RIMBP2: variants seen among roughly 807,000 people sequenced by gnomAD.
RIMBP2 encodes RIMS-binding protein 2.
In RIMBP2, 48 loss-of-function variants were observed where a neutral mutation model predicts 118.6. That is an observed-to-expected ratio of 0.40 (90% CI 0.32 to 0.51). RIMBP2 has a LOEUF of 0.51. Ranked by LOEUF, RIMBP2 falls within the 20% of genes least tolerant of loss-of-function variation. The pLI, the probability that RIMBP2 is intolerant of heterozygous loss-of-function variation, is 0.41. For synonymous variants in RIMBP2, 762 were observed against 742.9 expected (o/e 1.03, Z -0.42); for missense variants, 1,551 against 1,768.3 (o/e 0.88, Z 2.20).
chr12:130,417,040 G>T (rs922320041), intron 17 of RIMBP2, among the ~76,000 whole-genome samples: 1 of 152,112 alleles, frequency 6.6e-6, no homozygotes. Context: ...ATCACAATGA[G>T]ATACCATCTC....
intron 17 of RIMBP2, among the ~76,000 whole-genome samples, chr12:130,418,922 G>A (rs954216066): frequency 6.6e-5 from 10 of 152,172 alleles, no homozygotes; most frequent in East Asian, 3.9e-4. Context: ...GTCCCCCAAC[G>A]AAGGCTCCTT....
At chr12:130,567,969 C>T (rs1369496140) in intron 2 of RIMBP2, among the ~76,000 whole-genome samples, 3 of 152,176 alleles carry the variant, frequency 2.0e-5, no homozygotes, top group East Asian at 1.9e-4. Context: ...AGCCATCCCA[C>T]GAACATCACC....
intron 9 of RIMBP2, among the ~76,000 whole-genome samples, chr12:130,448,727 G>A (rs745545105): frequency 6.6e-6 from 1 of 152,250 alleles, no homozygotes; most frequent in East Asian, 1.9e-4. Flanking sequence ...AGCGGATGGT[G>A]GGCCTGCCCC....
intron 5 of RIMBP2, among the ~76,000 whole-genome samples, chr12:130,473,758 T>G (rs540532119): frequency 1.3e-5 from 2 of 152,290 alleles, no homozygotes; most frequent in South Asian, 4.1e-4. Flanking sequence ...GGGCAGACAC[T>G]GCCTGAAACT....
At chr12:130,417,349 C>G (rs2076162625) in intron 17 of RIMBP2, among the ~76,000 whole-genome samples, 1 of 152,198 alleles carries the variant, frequency 6.6e-6, no homozygotes, top group Non-Finnish European at 1.5e-5. Context: ...AGATGCTCAT[C>G]AACAGTGGAT....
intron 2 of RIMBP2, among the ~76,000 whole-genome samples, chr12:130,580,431 TAAG>T (rs1444496307): frequency 6.6e-6 from 1 of 152,164 alleles, no homozygotes; most frequent in Non-Finnish European, 1.5e-5. Flanking sequence ...TGCCGCCACG[TAAG>T]ATGTGTCTTC....
chr12:130,435,256 C>G (rs1401364559), intron 13 of RIMBP2, among the ~76,000 whole-genome samples: 1 of 152,060 alleles, frequency 6.6e-6, no homozygotes, highest in Non-Finnish European at 1.5e-5. Flanking sequence ...GTTGGTCAGG[C>G]TGGTCTCAAA....
rs1455563466 is a variant in RIMBP2, at chr12:130,446,471, C to T, written c.582-1202G>A. ...CCAGAGCTGAGACCTCCTGACCCGTCCTGCGCAGTTTTAACCACACCAGGT... is the reference window on the plus strand; with the variant it reads ...CCAGAGCTGAGACCTCCTGACCCGTTCTGCGCAGTTTTAACCACACCAGGT... On this transcript the variant is annotated intron_variant, in intron 9 of 22. Coordinates refer to ENST00000690449, the MANE Select transcript of RIMBP2 (RefSeq NM_001393629.1). The surrounding 1 kb of genome is among the most constrained non-coding windows in gnomAD (Gnocchi z 4.1). Among the ~76,000 whole-genome samples, 1 of 152,186 alleles carries T rather than the reference C, an allele frequency of 6.6e-6. No individual in the cohort carries two copies. Among genetic ancestry groups the T allele is most frequent in the Non-Finnish European group, 1.5e-5 (1 of 68,040 alleles).
At chr12:130,570,072 C>T (rs2057511694) in intron 2 of RIMBP2, among the ~76,000 whole-genome samples, 2 of 152,124 alleles carry the variant, frequency 1.3e-5, no homozygotes, top group Admixed American at 6.5e-5. Context: ...AAGCACAGCC[C>T]GGATCTGCTT....
chr12:130,653,843 C>A (rs2063323854), intron 1 of RIMBP2, among the ~76,000 whole-genome samples: 1 of 152,224 alleles, frequency 6.6e-6, no homozygotes, highest in African/African-American at 2.4e-5. Flanking sequence ...CCAAGCTACA[C>A]CCAGGGTCCT....
In RIMBP2 at chr12:130,646,046, T is replaced by TACCTCCCTCA. The variant is rs1370030005; in HGVS notation, c.-351-17591_-351-17590insTGAGGGAGGT. Among the ~76,000 whole-genome samples, 104 of 111,616 alleles carry TACCTCCCTCA rather than the reference T, an allele frequency of 9.3e-4. 2 individuals are homozygous for TACCTCCCTCA. The highest frequency in any genetic ancestry group is 2.8e-3 in the African/African-American group (88 of 31,232). The allele number at this position is 111,616 out of a possible 152,430, so 73.2% of individuals were successfully genotyped here. A position where few individuals can be genotyped will look rare whatever the true frequency, so the allele number is the denominator to read the frequency against. On this transcript the variant is annotated intron_variant, in intron 1 of 22. Coordinates refer to ENST00000690449, the MANE Select transcript of RIMBP2 (RefSeq NM_001393629.1). ...CTGTGGTGCGGCAGCCAGTTCCCTC[T>TACCTCCCTCA]CCACCTCCCTCACCACCTGCCTCTC...
At chr12:130,490,996 A>C (rs776849359) in intron 4 of RIMBP2, among the ~76,000 whole-genome samples, 41 of 152,346 alleles carry the variant, frequency 2.7e-4, no homozygotes, top group Non-Finnish European at 5.3e-4. Flanking sequence ...TGTTTATCAC[A>C]GATCACCACC....
intron 1 of RIMBP2, chr12:130,660,011 T>A (rs900177460): frequency 6.7e-6 from 1 of 148,358 alleles, no homozygotes; most frequent in Non-Finnish European, 1.5e-5. Flanking sequence ...CTATTTTACA[T>A]TCTCTTTTCT....
chr12:130,509,561 C>T (rs1201844456), intron 3 of RIMBP2, among the ~76,000 whole-genome samples: 1 of 152,222 alleles, frequency 6.6e-6, no homozygotes, highest in African/African-American at 2.4e-5. Context: ...CCTGCGAGTC[C>T]TCCCACTGGG....
chr12:130,411,620 G>T lies in RIMBP2; in HGVS notation c.3589+999C>A, dbSNP rs1413039333. On this transcript the variant is annotated intron_variant, in intron 19 of 22. Transcript: ENST00000690449. ...TAACAGAAATTCTTGTATACTTTCT[G>T]GGTCTGTGGTGTACAGGGCCTGTGC... 2.0e-5 allele frequency among the ~76,000 whole-genome samples: 3 copies of T among 152,296 alleles called. No individual in the cohort carries two copies. The East Asian group carries it at 5.8e-4, about 29-fold the overall frequency.
intron 2 of RIMBP2, among the ~76,000 whole-genome samples, chr12:130,594,713 G>A (rs1191306792): frequency 6.6e-6 from 1 of 152,110 alleles, no homozygotes; most frequent in African/African-American, 2.4e-5. Context: ...TTGTGTATAT[G>A]GAAGTATGTA....
intron 19 of RIMBP2, among the ~76,000 whole-genome samples, chr12:130,409,373 C>T (rs34666043): frequency 3.2e-5 from 4 of 124,326 alleles, no homozygotes; most frequent in South Asian, 2.9e-4. Context: ...GATGGACTCT[C>T]GCTCTGTCGC....
chr12:130,702,561 AAGG>A (rs1162468529), intron 1 of RIMBP2, among the ~76,000 whole-genome samples: 1 of 86,358 alleles, frequency 1.2e-5, no homozygotes, highest in Non-Finnish European at 2.3e-5. Flanking sequence ...GGAAGGAAGG[AAGG>A]AAGGAAGGAA....
chr12:130,455,806 A>G (rs918866175), intron 7 of RIMBP2, among the ~76,000 whole-genome samples: 1 of 152,104 alleles, frequency 6.6e-6, no homozygotes, highest in Non-Finnish European at 1.5e-5. Flanking sequence ...AGACCTGGCC[A>G]TGAAACCTGT....
Sources: gnomAD v4.1 joint callset for allele counts (sites outside exome capture counted in the v4.1 genomes callset) on GRCh38, gnomAD v4.1.1 for gene constraint, Gnocchi (gnomAD v3.1) non-coding constraint, MANE v1.5 for transcripts, NCBI Gene and HGNC (gene_info 2026-07-23, HGNC 2026-07-21) for gene names.